MTUS2: variants seen among roughly 807,000 people sequenced by gnomAD.
MTUS2 encodes the protein microtubule-associated tumor suppressor candidate 2.
A neutral mutation model predicts 114.1 loss-of-function variants in MTUS2; 40 were observed. The ratio of observed to expected loss-of-function variants is 0.35; its 90% CI spans 0.27 to 0.46. The LOEUF is 0.46. Among genes scored for constraint, MTUS2 ranks in the 20% least tolerant of loss-of-function variants. The pLI is 1.00. For synonymous variants in MTUS2, 688 were observed against 672.0 expected, an observed-to-expected ratio of 1.02 and a Z score of -0.37; for missense variants, 1,679 against 1,705.4, an observed-to-expected ratio of 0.98 and a Z score of 0.27.
chr13:29,306,103 A>G (rs1449116041), intron 6 of MTUS2, among the ~76,000 whole-genome samples: 3 of 152,242 alleles, frequency 2.0e-5, no homozygotes, highest in Non-Finnish European at 4.4e-5. Flanking sequence ...CATGTTAAAA[A>G]CTCTCGATAA....
At chr13:28,882,000 AT>A (rs1467973970) in intron 2 of MTUS2, among the ~76,000 whole-genome samples, 2 of 152,232 alleles carry the variant, frequency 1.3e-5, no homozygotes, top group African/African-American at 4.8e-5. Context: ...GGACAATAGG[AT>A]ATCCATGTGC....
intron 2 of MTUS2, among the ~76,000 whole-genome samples, chr13:28,998,393 A>G (rs996989634): frequency 3.9e-5 from 6 of 152,104 alleles, no homozygotes; most frequent in Admixed American, 1.3e-4. Flanking sequence ...CTTGAGGAGT[A>G]TCTTTGTGGC....
chr13:29,469,500 G>A (rs7984642), intron 9 of MTUS2, among the ~76,000 whole-genome samples: 3,055 of 152,068 alleles, frequency 0.02, 81 homozygotes, highest in African/African-American at 0.065. Context: ...GGTGGTGGGC[G>A]CCTGTAGTCC....
intron 8 of MTUS2, among the ~76,000 whole-genome samples, chr13:29,385,749 C>A (rs578157515): frequency 8.0e-4 from 122 of 152,164 alleles, no homozygotes; most frequent in Non-Finnish European, 1.6e-3. Flanking sequence ...ACCCAGAATT[C>A]TCATCATCTC....
intron 2 of MTUS2, among the ~76,000 whole-genome samples, chr13:28,841,975 G>A (rs377523682): frequency 9.9e-5 from 15 of 152,118 alleles, no homozygotes; most frequent in Admixed American, 5.9e-4. Context: ...GTGAGCCACC[G>A]CGCCCGGCCA....
At chr13:29,221,800 CT>C (rs1399828952) in intron 5 of MTUS2, among the ~76,000 whole-genome samples, 1 of 151,872 alleles carries the variant, frequency 6.6e-6, no homozygotes, top group Non-Finnish European at 1.5e-5. Context: ...GTTTTTGTTT[CT>C]TTAGAAATCT....
At chr13:29,172,477 A>G (rs1232653696) in intron 5 of MTUS2, among the ~76,000 whole-genome samples, 1 of 152,236 alleles carries the variant, frequency 6.6e-6, no homozygotes, top group East Asian at 1.9e-4. Flanking sequence ...AAAATGGTGT[A>G]ATGAATTAAA....
At chr13:28,896,257 A>G (rs564809216) in intron 2 of MTUS2, among the ~76,000 whole-genome samples, 1 of 152,308 alleles carries the variant, frequency 6.6e-6, no homozygotes, top group South Asian at 2.1e-4. Flanking sequence ...TACACCAATA[A>G]CAGACAAACA....
intron 6 of MTUS2, among the ~76,000 whole-genome samples, chr13:29,294,851 C>T (rs1179450796): frequency 6.6e-6 from 1 of 152,174 alleles, no homozygotes; most frequent in Non-Finnish European, 1.5e-5. Context: ...CAAATTGATG[C>T]AGTATGGCTC....
At chr13:29,304,584 C>CTAACTATAAATATA (rs1307293075) in intron 6 of MTUS2, among the ~76,000 whole-genome samples, 2 of 152,174 alleles carry the variant, frequency 1.3e-5, no homozygotes, top group Non-Finnish European at 2.9e-5. Context: ...ACAAGAAGAG[C>CTAACTATAAATATA]TAACTATTCT....
chr13:29,366,819 G>A (rs1377795336), intron 8 of MTUS2, among the ~76,000 whole-genome samples: 1 of 152,096 alleles, frequency 6.6e-6, no homozygotes, highest in Non-Finnish European at 1.5e-5. Context: ...CCTCTCCTTG[G>A]TTCCTTTGGC....
chr13:28,890,519 C>T (rs551709898), intron 2 of MTUS2, among the ~76,000 whole-genome samples: 213 of 152,084 alleles, frequency 1.4e-3, no homozygotes, highest in African/African-American at 4.4e-3. Flanking sequence ...TGTCTCCTAG[C>T]GTTTTTATGA....
intron 10 of MTUS2, among the ~76,000 whole-genome samples, chr13:29,484,387 C>G (rs533978889): frequency 6.6e-6 from 1 of 152,318 alleles, no homozygotes; most frequent in Non-Finnish European, 1.5e-5. Context: ...CCCTGGGGGC[C>G]CTTGTCTCTC....
At chr13:29,435,104 C>T (rs1290365241) in intron 8 of MTUS2, among the ~76,000 whole-genome samples, 2 of 152,106 alleles carry the variant, frequency 1.3e-5, no homozygotes, top group East Asian at 1.9e-4. Context: ...CAAAGGAGAG[C>T]GGTACATGAA....
intron 5 of MTUS2, among the ~76,000 whole-genome samples, chr13:29,275,262 G>C (rs1467332846): frequency 6.6e-6 from 1 of 152,062 alleles, no homozygotes; most frequent in East Asian, 1.9e-4. Flanking sequence ...TAGTAAGTAT[G>C]TATATTTATG....
At chr13:29,367,195 G>A (rs1038179121) in intron 8 of MTUS2, among the ~76,000 whole-genome samples, 2 of 152,088 alleles carry the variant, frequency 1.3e-5, no homozygotes, top group African/African-American at 4.8e-5. Flanking sequence ...GGCGCCTTGA[G>A]AGAGGAACGT....
rs772456825 is a variant in MTUS2 at position 29,498,410 on chromosome 13, C to A, written c.3679-8C>A. On this transcript the variant is annotated splice_polypyrimidine_tract_variant and splice_region_variant and intron_variant, in intron 13 of 15. Coordinates refer to ENST00000612955, the MANE Select transcript of MTUS2 (RefSeq NM_001033602.4). The stretch of plus-strand genomic sequence containing the variant: ...TGGTCAACAGCTCATGGCTCTCTGC[C>A]TCTGTAGATTGCATTGGCTCCTTAT... 1.1e-4 allele frequency: 170 copies of A among 1,613,916 alleles called. No individual in the cohort carries two copies. Among genetic ancestry groups the A allele is most frequent in the Non-Finnish European group, 1.4e-4 (162 of 1,179,976 alleles).
intron 8 of MTUS2, among the ~76,000 whole-genome samples, chr13:29,387,120 A>G (rs559264104): frequency 2.6e-5 from 4 of 152,344 alleles, no homozygotes; most frequent in African/African-American, 7.2e-5. Flanking sequence ...CTGAGTTTAC[A>G]TATAACCTGA....
chr13:29,233,173 A>G (rs73168205), intron 5 of MTUS2, among the ~76,000 whole-genome samples: 8,596 of 151,856 alleles, frequency 0.057, 334 homozygotes, highest in Middle Eastern at 0.12. Context: ...TCCGACTGTG[A>G]TGTAGTTGGA....
Sources: gnomAD v4.1 joint callset for allele counts (sites outside exome capture counted in the v4.1 genomes callset) on GRCh38, gnomAD v4.1.1 for gene constraint, MANE v1.5 for transcripts, NCBI Gene and HGNC (gene_info 2026-07-23, HGNC 2026-07-21) for gene names.